WDFY3: variants seen among roughly 807,000 people sequenced by gnomAD.
WDFY3 encodes WD repeat and FYVE domain containing 3, also known as WD repeat and FYVE domain-containing protein 3.
Under a neutral mutation model 409.6 loss-of-function variants are expected in WDFY3, and 66 were observed. The ratio of observed to expected loss-of-function variants is 0.16; its 90% CI spans 0.13 to 0.20. The LOEUF (loss-of-function observed/expected upper bound fraction) is 0.20, where lower values mean the gene tolerates loss of function less well. WDFY3 is among the 10% of genes least tolerant of loss of function. The pLI is 1.00. For missense variants in WDFY3, 3,031 were observed against 4,298.1 expected, an observed-to-expected ratio of 0.71 and a Z score of 8.24; for synonymous variants, 1,521 against 1,537.1, an observed-to-expected ratio of 0.99 and a Z score of 0.25.
intron 44 of WDFY3, 105 bp from the exon 45 acceptor site, chr4:84,727,016 T>A (rs1445511322): frequency 9.9e-7 from 1 of 1,009,302 alleles, no homozygotes; most frequent in Non-Finnish European, 1.5e-6. Flanking sequence ...AAAGATGTAG[T>A]TACTCAAACA....
chr4:84,878,991 T>C (rs908671699), intron 3 of WDFY3, among the ~76,000 whole-genome samples: 2 of 152,228 alleles, frequency 1.3e-5, no homozygotes, highest in African/African-American at 4.8e-5. Context: ...CTGCCGATAA[T>C]GTGGCTATAT....
chr4:84,702,532 T>C, intron 55 of WDFY3, 26 bp from the exon 56 acceptor site: 1 of 1,553,376 alleles, frequency 6.4e-7, no homozygotes, highest in Non-Finnish European at 8.7e-7. Context: ...GACACCTCTC[T>C]ATTAGAGAAC....
At chr4:84,843,177 C>T (rs1376558263) in intron 5 of WDFY3, among the ~76,000 whole-genome samples, 2 of 152,118 alleles carry the variant, frequency 1.3e-5, no homozygotes, top group Non-Finnish European at 2.9e-5. Flanking sequence ...AATTTGCCTA[C>T]AATCACATAG....
intron 56 of WDFY3, among the ~76,000 whole-genome samples, chr4:84,698,551 G>A (rs1413260347): frequency 6.6e-6 from 1 of 152,074 alleles, no homozygotes; most frequent in Non-Finnish European, 1.5e-5. Context: ...TGAATTATAG[G>A]CAAGAGCCAG....
chr4:84,797,166 C>T (rs1749598392), intron 18 of WDFY3, among the ~76,000 whole-genome samples: 2 of 152,076 alleles, frequency 1.3e-5, no homozygotes, highest in Non-Finnish European at 2.9e-5. Context: ...AGAAATAGGT[C>T]ATCTTTATTA....
intron 4 of WDFY3, among the ~76,000 whole-genome samples, chr4:84,853,823 G>C (rs1759376283): frequency 6.6e-6 from 1 of 152,110 alleles, no homozygotes; most frequent in African/African-American, 2.4e-5. Flanking sequence ...TGTCATATTT[G>C]CTAATCTGAA....
At chr4:84,746,214 G>A (rs1297732800) in intron 36 of WDFY3, among the ~76,000 whole-genome samples, 2 of 151,564 alleles carry the variant, frequency 1.3e-5, no homozygotes, top group Non-Finnish European at 2.9e-5. Flanking sequence ...CTACTTGGGA[G>A]GCTGAGTTGG....
chr4:84,819,968 A>T, intron 12 of WDFY3, 117 bp downstream of exon 12: 1 of 885,394 alleles, frequency 1.1e-6, no homozygotes, highest in Non-Finnish European at 1.7e-6. Context: ...GGGTACCATC[A>T]CTGAATCAAT....
intron 4 of WDFY3, among the ~76,000 whole-genome samples, chr4:84,857,915 T>C (rs1295044696): frequency 6.6e-6 from 1 of 152,110 alleles, no homozygotes; most frequent in Non-Finnish European, 1.5e-5. Context: ...TATACAAACC[T>C]CAATCTCAAT....
At chr4:84,771,405 T>G (rs548184681) in intron 30 of WDFY3, among the ~76,000 whole-genome samples, 28 of 152,352 alleles carry the variant, frequency 1.8e-4, no homozygotes, top group African/African-American at 6.3e-4. Flanking sequence ...CCCGAAGTGT[T>G]GGGATTACAG....
chr4:84,935,588 T>C (rs182381631), intron 1 of WDFY3, among the ~76,000 whole-genome samples: 1 of 152,212 alleles, frequency 6.6e-6, no homozygotes, highest in African/African-American at 2.4e-5. Flanking sequence ...GTATTTTATA[T>C]GTATTTGGAT....
At position 84,910,103 on chromosome 4, in the gene WDFY3, T is replaced by C. The variant is rs1169062667; in HGVS notation, c.-131-13093A>G. Among the ~76,000 whole-genome samples, 3 of 152,332 alleles carry C rather than the reference T, an allele frequency of 2.0e-5. No individual in the cohort carries two copies. The East Asian group carries it at 5.8e-4, about 29-fold the overall frequency. On this transcript the variant is annotated intron_variant, in intron 2 of 67. Coordinates refer to ENST00000295888, the MANE Select transcript of WDFY3 (RefSeq NM_014991.6). ...ATTCCATCTGTACTAAACATGTACA[T>C]ATTTTTTCTTGTCATTATTCCTAAA...
At chr4:84,800,207 T>A (rs1237761140) in intron 17 of WDFY3, among the ~76,000 whole-genome samples, 27 of 152,196 alleles carry the variant, frequency 1.8e-4, no homozygotes, top group Admixed American at 1.7e-3. Flanking sequence ...AGTTTCTTAA[T>A]CCACAATCAG....
chr4:84,888,521 T>C (rs974979305), intron 3 of WDFY3, among the ~76,000 whole-genome samples: 2 of 152,336 alleles, frequency 1.3e-5, no homozygotes, highest in Admixed American at 6.5e-5. Flanking sequence ...AATAATATAC[T>C]TTCATATTAT....
intron 10 of WDFY3, among the ~76,000 whole-genome samples, chr4:84,823,307 C>T (rs987729700): frequency 2.6e-5 from 4 of 151,818 alleles, no homozygotes; most frequent in Non-Finnish European, 4.4e-5. Flanking sequence ...TACCATAGAC[C>T]TTAATTTAAA....
At chr4:84,791,316 C>T (rs147241368) in intron 21 of WDFY3, among the ~76,000 whole-genome samples, 42 of 152,226 alleles carry the variant, frequency 2.8e-4, no homozygotes, top group African/African-American at 8.9e-4. Flanking sequence ...ACATATACTG[C>T]GTGACTCCAC....
chr4:84,828,087 GAGGGAGGGAGGAAGGGAGGAAGGA>G (rs1328068998), intron 9 of WDFY3, among the ~76,000 whole-genome samples: 1 of 144,750 alleles, frequency 6.9e-6, no homozygotes, highest in Non-Finnish European at 1.5e-5. Flanking sequence ...GGGAGGGAGG[GAGGGAGGGAGGAAGGGAGGAAGGA>G]AGGGAGGGAG....
chr4:84,869,482 T>A (rs556281978), intron 3 of WDFY3, among the ~76,000 whole-genome samples: 1 of 152,174 alleles, frequency 6.6e-6, no homozygotes, highest in Non-Finnish European at 1.5e-5. Context: ...GAAAACTCTA[T>A]AATTCTGCAG....
At chr4:84,830,022 A>G (rs1755469482) in intron 8 of WDFY3, among the ~76,000 whole-genome samples, 1 of 152,072 alleles carries the variant, frequency 6.6e-6, no homozygotes, top group African/African-American at 2.4e-5. Context: ...GGTGGTATGT[A>G]TTTGTATAAA....
Sources: allele counts gnomAD v4.1 joint callset (sites outside exome capture counted in the v4.1 genomes callset), GRCh38; gene constraint gnomAD v4.1.1; transcripts MANE v1.5; gene names NCBI Gene and HGNC (gene_info 2026-07-23, HGNC 2026-07-21).